NRP1: variants seen among roughly 807,000 people sequenced by gnomAD.
NRP1 encodes neuropilin 1.
NRP1 carries 35 observed loss-of-function variants against 106.7 expected under a neutral mutation model. The observed-to-expected ratio is 0.33, with a 90% CI of 0.25 to 0.43. The LOEUF (loss-of-function observed/expected upper bound fraction) is 0.43, where lower values mean the gene tolerates loss of function less well. Ranked by LOEUF, NRP1 falls within the 20% of genes least tolerant of loss-of-function variation. The pLI is 1.00. For synonymous variants in NRP1, 437 were observed against 417.9 expected (o/e 1.05, Z -0.56); for missense variants, 1,024 against 1,170.4 (o/e 0.87, Z 1.83).
intron 2 of NRP1, among the ~76,000 whole-genome samples, chr10:33,321,086 AAGCGATTCTCCT>A (rs1466174606): frequency 6.6e-6 from 1 of 152,164 alleles, no homozygotes; most frequent in Non-Finnish European, 1.5e-5. Context: ...TCCCGGGTTC[AAGCGATTCTCCT>A]GCCTCAGCCT....
At chr10:33,252,208 G>A (rs760236644) in intron 6 of NRP1, among the ~76,000 whole-genome samples, 17 of 152,190 alleles carry the variant, frequency 1.1e-4, no homozygotes, top group Non-Finnish European at 1.8e-4. Flanking sequence ...CGGAGCTGTT[G>A]GAGAAGAGTC....
At chr10:33,230,881 G>A (rs1200010563) in intron 6 of NRP1, among the ~76,000 whole-genome samples, 2 of 152,038 alleles carry the variant, frequency 1.3e-5, no homozygotes, top group Non-Finnish European at 2.9e-5. Flanking sequence ...GGCCCCAGTT[G>A]CAACACCTTA....
chr10:33,225,056 A>C (rs1839554395), intron 7 of NRP1, among the ~76,000 whole-genome samples: 1 of 152,154 alleles, frequency 6.6e-6, no homozygotes, highest in Non-Finnish European at 1.5e-5. Context: ...GTTGACTAGG[A>C]AGGTTCTTGT....
At chr10:33,224,336 G>T (rs1454294278) in intron 7 of NRP1, among the ~76,000 whole-genome samples, 1 of 151,992 alleles carries the variant, frequency 6.6e-6, no homozygotes, top group Non-Finnish European at 1.5e-5. Flanking sequence ...CCCTCTTCTG[G>T]GCCATGCAAA....
chr10:33,333,400 C>T (rs1848420894), intron 1 of NRP1, among the ~76,000 whole-genome samples: 2 of 152,196 alleles, frequency 1.3e-5, no homozygotes, highest in South Asian at 4.1e-4. Flanking sequence ...AGGCCCTCCA[C>T]TTGCGGTCTC....
At position 33,192,313 on chromosome 10, in the gene NRP1, G is replaced by A; in HGVS notation, c.2030C>T (p.Thr677Ile). 6.2e-7 allele frequency: 1 copy of A among 1,613,794 alleles called. No homozygotes were observed. The highest frequency in any genetic ancestry group is 2.2e-5 in the East Asian group (1 of 44,860). Residue 677 changes from threonine to isoleucine, a missense_variant, in exon 13 of 17, where the codon ACC becomes ATC. Coordinates refer to ENST00000374867, the MANE Select transcript of NRP1 (RefSeq NM_003873.7). ...NHVQLKWSVL[T>I]SKTGPIQDHT... ...ATCCTGAATGGGTCCCGTCTTGCTG[G>A]TCAACACACTCCACTTGAGCTGCAC... is the stretch of plus-strand genomic sequence containing the variant.
chr10:33,240,554 G>A (rs1840933188), intron 6 of NRP1, among the ~76,000 whole-genome samples: 2 of 152,166 alleles, frequency 1.3e-5, no homozygotes, highest in South Asian at 4.1e-4. Context: ...GCAGATGAGG[G>A]TGATGGTCTA....
chr10:33,285,562 G>A (rs1453217019), intron 2 of NRP1, among the ~76,000 whole-genome samples: 1 of 152,102 alleles, frequency 6.6e-6, no homozygotes, highest in Non-Finnish European at 1.5e-5. Context: ...AAGGGGGCTG[G>A]GTGCAGTGTT....
intron 9 of NRP1, chr10:33,212,242 CATT>C (rs1838363658): frequency 6.6e-6 from 1 of 152,192 alleles, no homozygotes; most frequent in Non-Finnish European, 1.5e-5. Context: ...TATACTTAAG[CATT>C]ATTCACAATA....
intron 4 of NRP1, 73 bp downstream of exon 4, chr10:33,263,573 G>T: frequency 9.1e-7 from 1 of 1,102,402 alleles, no homozygotes; most frequent in South Asian, 1.4e-5. Flanking sequence ...CATGTATCAT[G>T]AGACTTGTAA....
intron 2 of NRP1, among the ~76,000 whole-genome samples, chr10:33,301,622 G>A (rs563798438): frequency 2.0e-5 from 3 of 152,120 alleles, no homozygotes; most frequent in Admixed American, 1.3e-4. Flanking sequence ...GGGCCAGTGC[G>A]CGTGACTCTC....
At chr10:33,319,400 T>G (rs1383452657) in intron 2 of NRP1, among the ~76,000 whole-genome samples, 1 of 151,996 alleles carries the variant, frequency 6.6e-6, no homozygotes, top group Non-Finnish European at 1.5e-5. Context: ...AGCTAGAGGT[T>G]TGTAAAATGG....
chr10:33,259,781 G>T (rs1842451151), intron 4 of NRP1, among the ~76,000 whole-genome samples: 1 of 152,152 alleles, frequency 6.6e-6, no homozygotes. Context: ...CTCAGAATCA[G>T]ATGATTTGGC....
intron 3 of NRP1, among the ~76,000 whole-genome samples, chr10:33,265,371 C>T (rs1461871000): frequency 1.3e-5 from 2 of 152,186 alleles, no homozygotes; most frequent in African/African-American, 4.8e-5. Flanking sequence ...TGATGGGGCC[C>T]CGGCAATGAC....
chr10:33,240,062 A>G (rs1840895099), intron 6 of NRP1, among the ~76,000 whole-genome samples: 1 of 152,288 alleles, frequency 6.6e-6, no homozygotes, highest in East Asian at 1.9e-4. Flanking sequence ...GCCTTTTGCA[A>G]TCTGTGCGTT....
At chr10:33,280,186 A>G (rs1379821385) in intron 2 of NRP1, among the ~76,000 whole-genome samples, 1 of 152,232 alleles carries the variant, frequency 6.6e-6, no homozygotes, top group African/African-American at 2.4e-5. Flanking sequence ...TTTCATAATT[A>G]AGATTTATTG....
intron 1 of NRP1, among the ~76,000 whole-genome samples, chr10:33,331,319 T>C (rs1848268455): frequency 6.6e-6 from 1 of 152,236 alleles, no homozygotes; most frequent in Non-Finnish European, 1.5e-5. Context: ...TTTTTGATGA[T>C]AAGCCTGGTC....
At chr10:33,278,265 C>G (rs1290549553) in intron 2 of NRP1, among the ~76,000 whole-genome samples, 2 of 152,212 alleles carry the variant, frequency 1.3e-5, no homozygotes, top group East Asian at 3.9e-4. Context: ...TCTTATCACC[C>G]AAACTCAGAT....
In NRP1 at chr10:33,213,475, T is replaced by C. The variant is rs1838488134; in HGVS notation, c.1525A>G (p.Lys509Glu). Residue 509 changes from lysine (K) to glutamate (E), a missense_variant, in exon 9 of 17, where the codon AAG becomes GAG. Lys to Glu is a moderately conservative substitution (Grantham distance 56). This residue lies in a region of NRP1 where 562 missense variants were observed against 620.3 expected (regional missense o/e 0.91). Coordinates refer to ENST00000374867, the MANE Select transcript of NRP1 (RefSeq NM_003873.7). Reference protein sequence around the residue: ...IIQGGKHRENKVFMRKFKIGY... With the variant: ...IIQGGKHRENEVFMRKFKIGY... ...ATCTTGAACTTCCTCATGAACACCT[T>C]GTTCTCTCGGTGCTTCCCACCCTGA... 1.2e-6 allele frequency: 2 copies of C among 1,614,112 alleles called. No homozygotes were observed. Among genetic ancestry groups the C allele is most frequent in the Non-Finnish European group, 1.7e-6 (2 of 1,180,016 alleles).
Sources: gnomAD v4.1 joint callset for allele counts (sites outside exome capture counted in the v4.1 genomes callset) on GRCh38, gnomAD v4.1.1 for gene constraint, gnomAD v4.1.1 regional missense constraint, MANE v1.5 for transcripts, NCBI Gene and HGNC (gene_info 2026-07-23, HGNC 2026-07-21) for gene names.